The following ZBTB46 variants were observed in gnomAD, a reference collection of about 807,000 sequenced individuals.
ZBTB46 encodes zinc finger and BTB domain containing 46.
Under a neutral mutation model 44.1 loss-of-function variants are expected in ZBTB46, and 8 were observed. The ratio of observed to expected loss-of-function variants is 0.18; its 90% CI spans 0.11 to 0.33. ZBTB46 has a LOEUF of 0.33. ZBTB46 is among the 10% of genes least tolerant of loss of function. The pLI is 1.00. For missense variants in ZBTB46, 651 were observed against 847.7 expected, an observed-to-expected ratio of 0.77 and a Z score of 2.88; for synonymous variants, 409 against 382.3, an observed-to-expected ratio of 1.07 and a Z score of -0.81.
chr20:63,769,293 C>T, intron 3 of ZBTB46: 16 of 985,378 alleles, frequency 1.6e-5, no homozygotes, highest in African/African-American at 3.5e-5. Flanking sequence ...CTGGGTCTGG[C>T]GGTTCCCCAG....
At position 63,803,056 on chromosome 20, in the gene ZBTB46, C is replaced by T. The variant is rs890383573; in HGVS notation, c.-33-12266G>A. On this transcript the variant is annotated intron_variant, in intron 1 of 4. Coordinates refer to ENST00000245663, the MANE Select transcript of ZBTB46 (RefSeq NM_001369741.1). The surrounding 1 kb of genome is among the most constrained non-coding windows in gnomAD (Gnocchi z 4.0). Reference sequence around the variant, plus strand: ...CCACAGACGCCAACAGGAGGAAACACGTTTCTGGGCAGCTCTGCCCACTCT... The same window carrying T: ...CCACAGACGCCAACAGGAGGAAACATGTTTCTGGGCAGCTCTGCCCACTCT... 5.9e-5 allele frequency among the ~76,000 whole-genome samples: 9 copies of T among 152,290 alleles called. No homozygotes were observed. The South Asian group carries it at 1.7e-3, about 28-fold the overall frequency.
chr20:63,772,508 C>A (rs1191729738), intron 3 of ZBTB46, among the ~76,000 whole-genome samples: 1 of 151,808 alleles, frequency 6.6e-6, no homozygotes, highest in Admixed American at 6.6e-5. Context: ...CGCCTGAGCT[C>A]AGGAGTTCGA....
At chr20:63,814,199 C>A (rs1400747480) in intron 1 of ZBTB46, among the ~76,000 whole-genome samples, 1 of 146,710 alleles carries the variant, frequency 6.8e-6, no homozygotes, top group Non-Finnish European at 1.5e-5. Flanking sequence ...CGCCACTGCA[C>A]TCCAGCCTGG....
Position 63,744,152 on chromosome 20 carries a change from G to C in ZBTB46, c.*2778C>G, listed in dbSNP as rs1217093453. The C allele has an allele frequency of 4.6e-5, 7 of 152,184 alleles. No homozygotes were observed. The allele number at this position is 152,184 out of a possible 1,614,324, so 9.4% of individuals were successfully genotyped here. A position where few individuals can be genotyped will look rare whatever the true frequency, so the allele number is the denominator to read the frequency against. ...ACCATTAAGTATGGCTTTCTTAAGA[G>C]TCGCACATGTCACAGAATGAGCTAA... On this transcript the variant is annotated 3_prime_UTR_variant, in exon 5 of 5. Coordinates refer to ENST00000245663, the MANE Select transcript of ZBTB46 (RefSeq NM_001369741.1).
chr20:63,778,986 T>TGGC (rs2092446968), intron 2 of ZBTB46, among the ~76,000 whole-genome samples: 1 of 152,068 alleles, frequency 6.6e-6, no homozygotes, highest in Non-Finnish European at 1.5e-5. Flanking sequence ...GACCTGCAGA[T>TGGC]GGCGGCAGGT....
chr20:63,831,700 C>A (rs1243585532), upstream of ZBTB46, among the ~76,000 whole-genome samples: 1 of 150,802 alleles, frequency 6.6e-6, no homozygotes, highest in South Asian at 2.1e-4. Context: ...GCGAGGGCAC[C>A]CGCTCCCTTC....
intron 1 of ZBTB46, among the ~76,000 whole-genome samples, chr20:63,813,174 C>T (rs971738533): frequency 3.3e-5 from 5 of 152,074 alleles, no homozygotes; most frequent in African/African-American, 9.7e-5. Context: ...TGGGGCCAGG[C>T]ACGGTGGCTC....
chr20:63,787,865 AG>A lies in ZBTB46; in HGVS notation c.937+1955del, dbSNP rs965372770. On this transcript the variant is annotated intron_variant, in intron 2 of 4. Coordinates refer to ENST00000245663, the MANE Select transcript of ZBTB46 (RefSeq NM_001369741.1). The surrounding 1 kb of genome is among the most constrained non-coding windows in gnomAD (Gnocchi z 4.6). ...TCTCGCAGATCTCTCAGCGACGGAGAGGAGGGACCAGGGTCAGGAGAAGAGG... is the reference window on the plus strand; with the variant it reads ...TCTCGCAGATCTCTCAGCGACGGAGAGAGGGACCAGGGTCAGGAGAAGAGG... 6.6e-6 allele frequency: 1 copy of A among 152,244 alleles called. No homozygotes were observed. Among genetic ancestry groups the A allele is most frequent in the Non-Finnish European group, 1.5e-5 (1 of 68,062 alleles). The allele number at this position is 152,244 out of a possible 1,614,324, so 9.4% of individuals were successfully genotyped here.
intron 3 of ZBTB46, among the ~76,000 whole-genome samples, chr20:63,753,182 G>C (rs1568830078): frequency 1.3e-5 from 2 of 152,214 alleles, no homozygotes; most frequent in African/African-American, 4.8e-5. Context: ...ACAGTGCCCG[G>C]TCCCTGCAGG....
upstream of ZBTB46, among the ~76,000 whole-genome samples, chr20:63,833,062 A>AC (rs1428760989): frequency 6.6e-6 from 1 of 152,052 alleles, no homozygotes; most frequent in Non-Finnish European, 1.5e-5. Context: ...GCAAAAGAGA[A>AC]CCCCAGTCTC....
At chr20:63,818,153 A>C (rs933712305) in intron 1 of ZBTB46, among the ~76,000 whole-genome samples, 1 of 152,160 alleles carries the variant, frequency 6.6e-6, no homozygotes, top group Non-Finnish European at 1.5e-5. Context: ...TTTGAGGTAC[A>C]CTGCAAGGGG....
intron 1 of ZBTB46, among the ~76,000 whole-genome samples, chr20:63,827,716 G>A (rs920429266): frequency 4.0e-5 from 6 of 151,460 alleles, no homozygotes; most frequent in Admixed American, 1.3e-4. Context: ...AGCTATGGTA[G>A]CAAATTTTTA....
At chr20:63,824,557 G>C (rs1318763997) in intron 1 of ZBTB46, among the ~76,000 whole-genome samples, 2 of 152,072 alleles carry the variant, frequency 1.3e-5, no homozygotes, top group Non-Finnish European at 2.9e-5. Context: ...AGGGTCTGCA[G>C]GACAACTCAG....
intron 3 of ZBTB46, chr20:63,769,272 G>A (rs576114383): frequency 1.8e-5 from 18 of 985,394 alleles, no homozygotes; most frequent in Middle Eastern, 5.2e-4. Context: ...AGGCTGTGCC[G>A]GCTCCCTGGG....
intron 2 of ZBTB46, among the ~76,000 whole-genome samples, chr20:63,782,828 G>C (rs376398421): frequency 6.6e-6 from 1 of 152,206 alleles, no homozygotes; most frequent in Non-Finnish European, 1.5e-5. Context: ...CAGTTGGCCA[G>C]GCAGTGGCTC....
chr20:63,746,620 C>G lies in ZBTB46; in HGVS notation c.*310G>C, dbSNP rs2092091862. On this transcript the variant is annotated 3_prime_UTR_variant, in exon 5 of 5. Coordinates refer to ENST00000245663, the MANE Select transcript of ZBTB46 (RefSeq NM_001369741.1). ...AGGCCCATCACGTGTCCAAGCCAGGCTGGCCATCACAGGGGCCACTCACAC... is the reference window on the plus strand; with the variant it reads ...AGGCCCATCACGTGTCCAAGCCAGGGTGGCCATCACAGGGGCCACTCACAC... The G allele has an allele frequency of 2.9e-6, 1 of 350,272 alleles. No homozygotes were observed. Among genetic ancestry groups the G allele is most frequent in the African/African-American group, 2.1e-5 (1 of 47,044 alleles). The allele number at this position is 350,272 out of a possible 1,614,324, so 21.7% of individuals were successfully genotyped here. A position where few individuals can be genotyped will look rare whatever the true frequency, so the allele number is the denominator to read the frequency against.
At chr20:63,772,445 G>A (rs929894943) in intron 3 of ZBTB46, among the ~76,000 whole-genome samples, 3 of 152,152 alleles carry the variant, frequency 2.0e-5, no homozygotes, top group African/African-American at 7.2e-5. Flanking sequence ...GGGGCCAGGC[G>A]GGATGGCTCA....
Position 63,831,188 on chromosome 20 carries a change from C to T in ZBTB46, c.-125G>A, listed in dbSNP as rs2092849401. 2.1e-5 allele frequency: 3 copies of T among 142,794 alleles called. No homozygotes were observed. The highest frequency in any genetic ancestry group is 2.1e-4 in the Admixed American group (3 of 14,562). 8.8% of individuals were successfully genotyped at this position (142,794 alleles called of 1,614,324 possible). On this transcript the variant is annotated 5_prime_UTR_variant, in exon 1 of 5. Coordinates refer to ENST00000245663, the MANE Select transcript of ZBTB46 (RefSeq NM_001369741.1). Reference sequence around the variant, plus strand: ...GCCGCCGCCGGGAGGGCGCTGCGTCCGGGCGGGTCCGAGCTGCGCGCTCGC... The same window carrying T: ...GCCGCCGCCGGGAGGGCGCTGCGTCTGGGCGGGTCCGAGCTGCGCGCTCGC...
intron 1 of ZBTB46, among the ~76,000 whole-genome samples, chr20:63,800,485 G>A (rs1023704216): frequency 4.6e-5 from 7 of 152,372 alleles, no homozygotes; most frequent in South Asian, 2.1e-4. Context: ...CCTTCAGCCC[G>A]CTGCTGCACT....
Sources: allele counts gnomAD v4.1 joint callset (sites outside exome capture counted in the v4.1 genomes callset), GRCh38; gene constraint gnomAD v4.1.1; non-coding constraint Gnocchi (gnomAD v3.1); transcripts MANE v1.5; gene names NCBI Gene and HGNC (gene_info 2026-07-23, HGNC 2026-07-21).